The following ALPK1 variants were observed in gnomAD, a reference collection of about 807,000 sequenced individuals.
The protein encoded by ALPK1 is alpha-protein kinase 1.
A neutral mutation model predicts 120.6 loss-of-function variants in ALPK1; 110 were observed. The ratio of observed to expected loss-of-function variants is 0.91; its 90% CI spans 0.78 to 1.07. The LOEUF is 1.07. Among genes scored for constraint, ALPK1 ranks in the 50% least tolerant of loss-of-function variants. The pLI is 0.00. For synonymous variants in ALPK1, 582 were observed against 560.3 expected, an observed-to-expected ratio of 1.04 and a Z score of -0.55; for missense variants, 1,498 against 1,483.9, an observed-to-expected ratio of 1.01 and a Z score of -0.16.
At chr4:112,438,441 G>A in intron 12 of ALPK1, 43 bp from the exon 13 acceptor site, 1 of 1,598,836 alleles carries the variant, frequency 6.3e-7, no homozygotes, top group Non-Finnish European at 8.5e-7. Context: ...TAGTAAGTAA[G>A]ACCACTTTTG....
rs371961456 is a variant in ALPK1 at position 112,441,322 on chromosome 4, G to T, written c.*112G>T. ...TCACTTTAAGTCCTGCATTTAATTG[G>T]CAGCACAAGATCCTGCAGAGCCTCT... On this transcript the variant is annotated 3_prime_UTR_variant, in exon 16 of 16. Transcript: ENST00000650871. 82 of 831,106 alleles carry T rather than the reference G, an allele frequency of 9.9e-5. No homozygotes were observed. Among genetic ancestry groups the T allele is most frequent in the East Asian group, 9.7e-4 (40 of 41,382 alleles). 51.5% of individuals were successfully genotyped at this position (831,106 alleles called of 1,614,324 possible). A position where few individuals can be genotyped will look rare whatever the true frequency, so the allele number is the denominator to read the frequency against.
chr4:112,373,393 C>A (rs1177025927), intron 2 of ALPK1, among the ~76,000 whole-genome samples: 1 of 152,188 alleles, frequency 6.6e-6, no homozygotes, highest in African/African-American at 2.4e-5. Context: ...GGCTAATAGC[C>A]AGCTTGTGGC....
chr4:112,380,925 C>T lies in ALPK1; in HGVS notation c.122-1473C>T, dbSNP rs573811355. Among the ~76,000 whole-genome samples, 11 of 152,216 alleles carry T rather than the reference C, an allele frequency of 7.2e-5. No individual in the cohort carries two copies. In the South Asian group the frequency reaches 2.3e-3, roughly 32 times the overall value. ...TTTGGAAGTGCTCAGAGCAGGCGCT[C>T]AATTCCACTGTGAGGTCACGGTGGA... On this transcript the variant is annotated intron_variant, in intron 3 of 15. Coordinates refer to ENST00000650871, the MANE Select transcript of ALPK1 (RefSeq NM_025144.4).
At chr4:112,435,496 C>T (rs1734751390) in intron 12 of ALPK1, among the ~76,000 whole-genome samples, 195 bp downstream of exon 12, 1 of 152,144 alleles carries the variant, frequency 6.6e-6, no homozygotes, top group African/African-American at 2.4e-5. Flanking sequence ...GTTACATCAG[C>T]TGTTTTGCTG....
intron 10 of ALPK1, 35 bp downstream of exon 10, chr4:112,429,288 G>A: frequency 6.5e-7 from 1 of 1,538,652 alleles, no homozygotes; most frequent in Non-Finnish European, 8.9e-7. Flanking sequence ...AACCCCCACA[G>A]GACCTCTCCC....
At chr4:112,366,230 G>T (rs1731144666) in intron 2 of ALPK1, among the ~76,000 whole-genome samples, 1 of 151,918 alleles carries the variant, frequency 6.6e-6, no homozygotes, top group South Asian at 2.1e-4. Flanking sequence ...AAACTAAAAA[G>T]CTTCTGCACA....
chr4:112,302,418 T>G (rs1727829417), intron 1 of ALPK1: 1 of 152,328 alleles, frequency 6.6e-6, no homozygotes, highest in African/African-American at 2.4e-5. Context: ...GGTACTCTAC[T>G]GAAGGTTTTT....
chr4:112,419,468 G>A (rs953404597), intron 5 of ALPK1, among the ~76,000 whole-genome samples: 4 of 138,334 alleles, frequency 2.9e-5, no homozygotes, highest in Non-Finnish European at 4.6e-5. Context: ...AAAACAGAGA[G>A]GAAATTAGAA....
intron 4 of ALPK1, among the ~76,000 whole-genome samples, chr4:112,408,967 T>C (rs1436917456): frequency 6.6e-6 from 1 of 152,238 alleles, no homozygotes; most frequent in Non-Finnish European, 1.5e-5. Flanking sequence ...AAATGAGACA[T>C]GTAATTCCTA....
intron 2 of ALPK1, among the ~76,000 whole-genome samples, chr4:112,333,260 T>C (rs1056878493): frequency 6.6e-6 from 1 of 152,250 alleles, no homozygotes; most frequent in African/African-American, 2.4e-5. Context: ...CTCTCAATTC[T>C]AAAGAGTATA....
At chr4:112,398,441 C>T (rs1420996364) in intron 4 of ALPK1, among the ~76,000 whole-genome samples, 1 of 152,056 alleles carries the variant, frequency 6.6e-6, no homozygotes, top group Non-Finnish European at 1.5e-5. Context: ...TACAGGCAAG[C>T]ACCACCATGC....
intron 10 of ALPK1, among the ~76,000 whole-genome samples, chr4:112,429,492 G>T (rs181231164): frequency 1.3e-5 from 2 of 152,066 alleles, no homozygotes; most frequent in African/African-American, 4.8e-5. Context: ...TGAAGCAATG[G>T]TTCCCAAGCC....
At chr4:112,437,423 C>T (rs1734833436) in intron 12 of ALPK1, among the ~76,000 whole-genome samples, 3 of 152,136 alleles carry the variant, frequency 2.0e-5, no homozygotes, top group Admixed American at 2.0e-4. Context: ...GATTGATGAT[C>T]CCCTGCCTAA....
Position 112,385,584 on chromosome 4 carries a change from C to T in ALPK1, c.276+3032C>T, listed in dbSNP as rs76189960. ...CCTATTGTGCCAGACCCCAAGTGCA[C>T]AATTGCTAAACCACTCTGTTTTGTA... On this transcript the variant is annotated intron_variant, in intron 4 of 15. Coordinates refer to ENST00000650871, the MANE Select transcript of ALPK1 (RefSeq NM_025144.4). Among the ~76,000 whole-genome samples, 1,291 of 152,280 alleles carry T rather than the reference C, an allele frequency of 8.5e-3. 21 individuals carry two copies. The highest frequency in any genetic ancestry group is 0.029 in the African/African-American group (1,198 of 41,552).
At chr4:112,300,341 A>G (rs1727731836) in intron 1 of ALPK1, among the ~76,000 whole-genome samples, 1 of 152,032 alleles carries the variant, frequency 6.6e-6, no homozygotes, top group Non-Finnish European at 1.5e-5. Flanking sequence ...CTTTCTACAT[A>G]ACATGATATT....
At chr4:112,436,350 A>T (rs34481547) in intron 12 of ALPK1, among the ~76,000 whole-genome samples, 43,782 of 152,034 alleles carry the variant, frequency 0.29, 6,703 homozygotes, top group East Asian at 0.42. Context: ...GATGTTAAGG[A>T]ATTGCCTGAA....
chr4:112,327,163 T>G (rs978265337), intron 2 of ALPK1, among the ~76,000 whole-genome samples: 1 of 152,154 alleles, frequency 6.6e-6, no homozygotes, highest in African/African-American at 2.4e-5. Context: ...TGTGGTGAAT[T>G]TGTTCACAGT....
intron 5 of ALPK1, among the ~76,000 whole-genome samples, chr4:112,415,795 C>T (rs1257084004): frequency 6.6e-6 from 1 of 152,120 alleles, no homozygotes; most frequent in Non-Finnish European, 1.5e-5. Flanking sequence ...GAGCACAGAA[C>T]ACCCTCCCGG....
intron 7 of ALPK1, 33 bp downstream of exon 7, chr4:112,425,784 C>T (rs1239635594): frequency 1.9e-6 from 3 of 1,554,548 alleles, no homozygotes; most frequent in Non-Finnish European, 2.7e-6. Context: ...TTTCTCAAGG[C>T]TCATTTACAA....
Sources: gnomAD v4.1 joint callset for allele counts (sites outside exome capture counted in the v4.1 genomes callset) on GRCh38, gnomAD v4.1.1 for gene constraint, MANE v1.5 for transcripts, NCBI Gene and HGNC (gene_info 2026-07-23, HGNC 2026-07-21) for gene names.